The following ITPR1 variants were observed in gnomAD, a reference collection of about 807,000 sequenced individuals.
ITPR1 encodes inositol 1,4,5-trisphosphate-gated calcium channel ITPR1.
Under a neutral mutation model 318.4 loss-of-function variants are expected in ITPR1, and 96 were observed. The ratio of observed to expected loss-of-function variants is 0.30; its 90% CI spans 0.26 to 0.36. The LOEUF is 0.36. ITPR1 is among the 10% of genes least tolerant of loss of function. The probability of loss-of-function intolerance (pLI) is 1.00; values close to 1 mark genes in which losing one functional copy is unlikely to be tolerated. For synonymous variants in ITPR1, 1,312 were observed against 1,289.9 expected (o/e 1.02, Z -0.37); for missense variants, 2,440 against 3,460.2 (o/e 0.71, Z 7.40).
chr3:4,716,934 G>C (rs1026863000), intron 39 of ITPR1, among the ~76,000 whole-genome samples: 1 of 152,184 alleles, frequency 6.6e-6, no homozygotes, highest in Non-Finnish European at 1.5e-5. Context: ...ACCCCCGACT[G>C]AGTCATAAAA....
intron 40 of ITPR1, among the ~76,000 whole-genome samples, 154 bp from the exon 41 acceptor site, chr3:4,725,392 T>A (rs748697595): frequency 1.3e-5 from 2 of 152,102 alleles, no homozygotes; most frequent in African/African-American, 4.8e-5. Flanking sequence ...TCACCTTGAT[T>A]GCTGAAGCCC....
At chr3:4,840,029 C>CTTTTTTTTTTTTTTTTTT in intron 61 of ITPR1, among the ~76,000 whole-genome samples, 1 of 104,910 alleles carries the variant, frequency 9.5e-6, no homozygotes, top group Non-Finnish European at 1.9e-5. Flanking sequence ...AGCATAGCTG[C>CTTTTTTTTTTTTTTTTTT]TTTTTTTTTT....
chr3:4,626,746 G>A (rs1486484047), intron 4 of ITPR1, among the ~76,000 whole-genome samples: 1 of 152,090 alleles, frequency 6.6e-6, no homozygotes. Context: ...TTCTTTCTGT[G>A]TCCCAGAAGG....
intron 39 of ITPR1, among the ~76,000 whole-genome samples, chr3:4,716,833 A>G (rs1013002931): frequency 3.3e-5 from 5 of 152,198 alleles, no homozygotes; most frequent in Admixed American, 6.5e-5. Flanking sequence ...TAGAGGGAAT[A>G]TAGTTTCCTT....
chr3:4,598,030 G>C (rs2090983157), intron 4 of ITPR1, among the ~76,000 whole-genome samples: 1 of 152,214 alleles, frequency 6.6e-6, no homozygotes, highest in Admixed American at 6.5e-5. Flanking sequence ...AGTGCCTGCT[G>C]AGTCTTCCGT....
At chr3:4,619,135 T>C (rs1016847532) in intron 4 of ITPR1, among the ~76,000 whole-genome samples, 8 of 152,196 alleles carry the variant, frequency 5.3e-5, no homozygotes, top group African/African-American at 1.7e-4. Flanking sequence ...TCTGATGTTA[T>C]TCTTATTCCT....
intron 60 of ITPR1, among the ~76,000 whole-genome samples, chr3:4,829,952 CAG>C (rs2050343573): frequency 9.6e-6 from 1 of 104,326 alleles, no homozygotes; most frequent in Non-Finnish European, 2.0e-5. Flanking sequence ...ACATGTATAA[CAG>C]TTTTTTTTTT....
chr3:4,495,006 A>G (rs1402869798), intron 2 of ITPR1, among the ~76,000 whole-genome samples: 1 of 152,218 alleles, frequency 6.6e-6, no homozygotes, highest in East Asian at 1.9e-4. Context: ...GAAGTGAGTT[A>G]TTGAAGCTTA....
At chr3:4,702,116 T>C (rs1021470258) in intron 35 of ITPR1, among the ~76,000 whole-genome samples, 5 of 127,990 alleles carry the variant, frequency 3.9e-5, no homozygotes, top group Admixed American at 7.7e-5. Context: ...CTATAATTTT[T>C]TAATGTACTC....
Position 4,735,217 on chromosome 3 carries a change from G to A in ITPR1, c.5407G>A (p.Val1803Ile), listed in dbSNP as rs1575064573. The change falls in exon 44 of 62, where the codon GTT becomes ATT. Residue 1803 changes from valine (V) to isoleucine (I), a missense_variant. Coordinates refer to ENST00000649015, the MANE Select transcript of ITPR1 (RefSeq NM_001378452.1). ...MSRGEMSLAE[V>I]QCHLDKEGAS... Reference sequence around the variant, plus strand: ...CAGGGGTGAGATGAGTCTGGCCGAGGTTCAGTGTCACCTTGACAAGGAGGG... The same window carrying A: ...CAGGGGTGAGATGAGTCTGGCCGAGATTCAGTGTCACCTTGACAAGGAGGG... 3.1e-6 allele frequency: 5 copies of A among 1,613,998 alleles called. No individual in the cohort carries two copies. Among genetic ancestry groups the A allele is most frequent in the Non-Finnish European group, 4.2e-6 (5 of 1,179,864 alleles).
In ITPR1 at chr3:4,691,227, C is replaced by T. The variant is rs556943368; in HGVS notation, c.3912C>T (p.His1304=). ...AGATCAACGAGAGAGTTGTTCAGCACTTCGTTCACTGCATAGAGACTCACG... is the reference window on the plus strand; with the variant it reads ...AGATCAACGAGAGAGTTGTTCAGCATTTCGTTCACTGCATAGAGACTCACG... The part of the protein sequence containing the change: ...CSEINERVVQ[H]FVHCIETHGR... The change falls in exon 32 of 62, where the codon CAC becomes CAT. Residue 1304 remains histidine (H), a synonymous_variant. Coordinates refer to ENST00000649015, the MANE Select transcript of ITPR1 (RefSeq NM_001378452.1). 2.2e-5 allele frequency: 35 copies of T among 1,613,064 alleles called. No homozygotes were observed. In the Middle Eastern group the frequency reaches 5.0e-4, roughly 23 times the overall value.
intron 4 of ITPR1, among the ~76,000 whole-genome samples, chr3:4,554,000 C>A (rs2085860266): frequency 6.6e-6 from 1 of 151,936 alleles, no homozygotes; most frequent in Non-Finnish European, 1.5e-5. Context: ...TCCTTGGCAT[C>A]CCAAAGTGCT....
In ITPR1 at chr3:4,585,031, A is replaced by T. The variant is rs1493115; in HGVS notation, c.164-42732A>T. On this transcript the variant is annotated intron_variant, in intron 4 of 61. Transcript: ENST00000649015. ...AGTGTATTACTGGTCTACCCACGTC[A>T]GTGAGAGCTGGTGAGACCCACCCTC... is the stretch of plus-strand genomic sequence containing the variant. Among the ~76,000 whole-genome samples the T allele has an allele frequency of 3.9e-5, 6 of 152,208 alleles. No homozygotes were observed. The East Asian group carries it at 5.8e-4, about 15-fold the overall frequency.
Position 4,800,561 on chromosome 3 carries a change from C to G in ITPR1, c.7068C>G (p.Val2356=), listed in dbSNP as rs780138157. The G allele has an allele frequency of 1.9e-6, 3 of 1,613,890 alleles. No homozygotes were observed. The highest frequency in any genetic ancestry group is 2.7e-5 in the African/African-American group (2 of 74,920). ...ASTILRLIFS[V]GLQPTLFLLG... Reference sequence around the variant, plus strand: ...CAATTCTACGACTGATATTTTCAGTCGGGTTACAACCCACGTTGTTTCTTC... The same window carrying G: ...CAATTCTACGACTGATATTTTCAGTGGGGTTACAACCCACGTTGTTTCTTC... Residue 2356 remains valine, a synonymous_variant, in exon 54 of 62, where the codon GTC becomes GTG. Transcript: ENST00000649015.
At chr3:4,657,217 T>G (rs2093730102) in intron 12 of ITPR1, among the ~76,000 whole-genome samples, 1 of 152,138 alleles carries the variant, frequency 6.6e-6, no homozygotes, top group African/African-American at 2.4e-5. Flanking sequence ...TTACGAACAC[T>G]TGGATTCAGG....
At position 4,702,279 on chromosome 3, in the gene ITPR1, C is replaced by T. The variant is rs181280445; in HGVS notation, c.4537-551C>T. 3.3e-5 allele frequency among the ~76,000 whole-genome samples: 5 copies of T among 152,160 alleles called. No individual in the cohort carries two copies. In the East Asian group the frequency reaches 5.8e-4, roughly 18 times the overall value. On this transcript the variant is annotated intron_variant, in intron 35 of 61. Coordinates refer to ENST00000649015, the MANE Select transcript of ITPR1 (RefSeq NM_001378452.1). ...TGAATATTTATAAAGAGTAACTATC[C>T]GAATTCTCTTTATGTCATTGAAGAC...
At chr3:4,709,187 G>T (rs2094819648) in intron 37 of ITPR1, among the ~76,000 whole-genome samples, 1 of 152,144 alleles carries the variant, frequency 6.6e-6, no homozygotes, top group Admixed American at 6.5e-5. Flanking sequence ...TTGCAGAAAT[G>T]ACCCTTTTTT....
chr3:4,574,282 G>C (rs1050287618), intron 4 of ITPR1, among the ~76,000 whole-genome samples: 1 of 151,428 alleles, frequency 6.6e-6, no homozygotes, highest in African/African-American at 2.4e-5. Context: ...TTTGGCCCCA[G>C]ATCATCCTTC....
chr3:4,698,019 G>T (rs2094586766), intron 34 of ITPR1, among the ~76,000 whole-genome samples: 2 of 152,106 alleles, frequency 1.3e-5, no homozygotes, highest in South Asian at 4.1e-4. Flanking sequence ...TGCTTTCCTG[G>T]CTCAGCCTCA....
Sources: gnomAD v4.1 joint callset for allele counts (sites outside exome capture counted in the v4.1 genomes callset) on GRCh38, gnomAD v4.1.1 for gene constraint, MANE v1.5 for transcripts, NCBI Gene and HGNC (gene_info 2026-07-23, HGNC 2026-07-21) for gene names.